The following WWOX variants were observed in gnomAD, a reference collection of about 807,000 sequenced individuals.
The protein encoded by WWOX is WW domain containing oxidoreductase, also known as WW domain-containing oxidoreductase.
A neutral mutation model predicts 46.2 loss-of-function variants in WWOX; 69 were observed. The ratio of observed to expected loss-of-function variants is 1.49; its 90% CI spans 1.23 to 1.82. The LOEUF is 1.82. Ranked by LOEUF, WWOX falls within the 40% of genes most tolerant of loss-of-function variation. The pLI is 0.00. For missense variants in WWOX, 919 were observed against 542.6 expected (o/e 1.69, Z -6.89); for synonymous variants, 359 against 202.6 (o/e 1.77, Z -6.56).
chr16:78,863,450 G>T (rs1472262006), intron 8 of WWOX, among the ~76,000 whole-genome samples: 3 of 152,136 alleles, frequency 2.0e-5, no homozygotes, highest in Non-Finnish European at 4.4e-5. Flanking sequence ...ATTTGTACCT[G>T]GGAAGAGGGT....
chr16:79,067,326 C>T (rs1032222605), intron 8 of WWOX, among the ~76,000 whole-genome samples: 6 of 152,126 alleles, frequency 3.9e-5, no homozygotes, highest in Admixed American at 1.3e-4. Flanking sequence ...AGTCCCTGTT[C>T]CTCCCTTGAC....
intron 8 of WWOX, among the ~76,000 whole-genome samples, chr16:78,611,963 C>T (rs2045910934): frequency 1.3e-5 from 2 of 152,168 alleles, no homozygotes. Context: ...AACAGAACAG[C>T]CATACAGCCT....
At chr16:78,618,659 C>T (rs1382214970) in intron 8 of WWOX, among the ~76,000 whole-genome samples, 2 of 152,152 alleles carry the variant, frequency 1.3e-5, no homozygotes, top group Non-Finnish European at 2.9e-5. Flanking sequence ...GAGACCTCTT[C>T]TCAACAGGAT....
intron 8 of WWOX, among the ~76,000 whole-genome samples, chr16:78,513,034 A>G (rs1021903609): frequency 6.6e-6 from 1 of 152,178 alleles, no homozygotes; most frequent in Non-Finnish European, 1.5e-5. Flanking sequence ...GACAATTTTT[A>G]TGGCCCGAGA....
intron 8 of WWOX, among the ~76,000 whole-genome samples, chr16:78,752,336 A>T (rs991805077): frequency 6.6e-6 from 1 of 152,196 alleles, no homozygotes; most frequent in Non-Finnish European, 1.5e-5. Context: ...TGCCCAGGCT[A>T]GAGTACAGTG....
chr16:78,808,843 C>T (rs559633839), intron 8 of WWOX, among the ~76,000 whole-genome samples: 45 of 152,158 alleles, frequency 3.0e-4, no homozygotes, highest in Non-Finnish European at 4.7e-4. Flanking sequence ...TCAACCTCTA[C>T]GGCTGCCCCT....
intron 8 of WWOX, among the ~76,000 whole-genome samples, chr16:78,699,243 A>G (rs117213661): frequency 0.013 from 1,951 of 152,298 alleles, 19 homozygotes; most frequent in South Asian, 0.036. Context: ...AAACATTACA[A>G]GTTCATGCAG....
At chr16:78,107,112 C>T (rs970747212) in intron 1 of WWOX, among the ~76,000 whole-genome samples, 22 of 152,226 alleles carry the variant, frequency 1.4e-4, no homozygotes, top group Non-Finnish European at 7.3e-5. Flanking sequence ...AAAGAATGTT[C>T]ACATCTTATC....
chr16:78,319,521 C>CA (rs1166523074), intron 5 of WWOX, among the ~76,000 whole-genome samples: 2 of 152,044 alleles, frequency 1.3e-5, no homozygotes. Flanking sequence ...CTTGGCCTCC[C>CA]AATCTGCTGA....
At chr16:78,863,827 C>G (rs1003023958) in intron 8 of WWOX, among the ~76,000 whole-genome samples, 2 of 152,178 alleles carry the variant, frequency 1.3e-5, no homozygotes, top group East Asian at 1.9e-4. Flanking sequence ...AAAACTATGT[C>G]CACATCCTAT....
intron 8 of WWOX, among the ~76,000 whole-genome samples, chr16:78,597,936 G>C (rs2045529818): frequency 6.6e-6 from 1 of 151,726 alleles, no homozygotes; most frequent in Non-Finnish European, 1.5e-5. Flanking sequence ...AGTTATGTTT[G>C]GGTCATGTTT....
chr16:79,198,085 G>T (rs1032987012), intron 8 of WWOX, among the ~76,000 whole-genome samples: 1 of 152,124 alleles, frequency 6.6e-6, no homozygotes, highest in African/African-American at 2.4e-5. Context: ...AGCACTTGGG[G>T]AGGCCAAGAC....
chr16:78,535,843 G>A (rs1052275575), intron 8 of WWOX, among the ~76,000 whole-genome samples: 4 of 152,170 alleles, frequency 2.6e-5, no homozygotes, highest in Non-Finnish European at 4.4e-5. Flanking sequence ...CTGCTCAGAG[G>A]TATGACCTAG....
At position 78,210,103 on chromosome 16, in the gene WWOX, C is replaced by T. The variant is rs59434418; in HGVS notation, c.516+45814C>T. 7.6e-3 allele frequency among the ~76,000 whole-genome samples: 1,150 copies of T among 152,176 alleles called. 17 individuals are homozygous for T. The highest frequency in any genetic ancestry group is 0.027 in the African/African-American group (1,109 of 41,510). On this transcript the variant is annotated intron_variant, in intron 5 of 8. Coordinates refer to ENST00000566780, the MANE Select transcript of WWOX (RefSeq NM_016373.4). ...ACGTGTGAGCTGAAGTTCCAGACGC[C>T]GAGCTTCATCTATTTTGTCATGTTA...
chr16:78,921,141 T>C (rs1351159952), intron 8 of WWOX, among the ~76,000 whole-genome samples: 1 of 152,168 alleles, frequency 6.6e-6, no homozygotes, highest in Non-Finnish European at 1.5e-5. Context: ...AATGGCGCTC[T>C]TTAAAAAAAC....
chr16:79,049,225 G>A (rs60349708), intron 8 of WWOX, among the ~76,000 whole-genome samples: 37,256 of 152,102 alleles, frequency 0.24, 5,804 homozygotes, highest in African/African-American at 0.44. Context: ...ATGAGTGGCT[G>A]TGGCTGTGTG....
chr16:78,816,030 A>G (rs577117595), intron 8 of WWOX, among the ~76,000 whole-genome samples: 2 of 152,336 alleles, frequency 1.3e-5, no homozygotes, highest in East Asian at 1.9e-4. Context: ...CCAAGTGGTC[A>G]TAGCCAGAAC....
intron 8 of WWOX, among the ~76,000 whole-genome samples, chr16:78,631,957 A>AT (rs59745881): frequency 1.2e-4 from 18 of 151,390 alleles, no homozygotes; most frequent in African/African-American, 2.7e-4. Flanking sequence ...GAGGTGGTTT[A>AT]TTTTTTTTTA....
chr16:78,551,679 A>G (rs1333691012), intron 8 of WWOX: 5 of 150,106 alleles, frequency 3.3e-5, no homozygotes, highest in Admixed American at 3.3e-4. Context: ...CGTTTCTCAG[A>G]TCACACAGGC....
Sources: gnomAD v4.1 joint callset for allele counts (sites outside exome capture counted in the v4.1 genomes callset) on GRCh38, gnomAD v4.1.1 for gene constraint, MANE v1.5 for transcripts, NCBI Gene and HGNC (gene_info 2026-07-23, HGNC 2026-07-21) for gene names.